Variants in CHRM3 observed in about 807,000 individuals in gnomAD.
CHRM3 encodes muscarinic acetylcholine receptor M3.
Under a neutral mutation model 41.8 loss-of-function variants are expected in CHRM3, and 11 were observed. The ratio of observed to expected loss-of-function variants is 0.26; its 90% CI spans 0.17 to 0.44. CHRM3 has a LOEUF of 0.44. Among genes scored for constraint, CHRM3 ranks in the 20% least tolerant of loss-of-function variants. CHRM3 has a pLI of 1.00. For missense variants in CHRM3, 571 were observed against 745.4 expected (o/e 0.77, Z 2.72); for synonymous variants, 297 against 301.4 (o/e 0.99, Z 0.15).
intron 6 of CHRM3, among the ~76,000 whole-genome samples, chr1:239,843,886 T>C (rs1674044831): frequency 6.6e-6 from 1 of 152,064 alleles, no homozygotes; most frequent in Admixed American, 6.6e-5. Flanking sequence ...TGTATATATA[T>C]ATACACATAG....
At chr1:239,423,197 C>T (rs576369280) in intron 1 of CHRM3, among the ~76,000 whole-genome samples, 6 of 152,266 alleles carry the variant, frequency 3.9e-5, no homozygotes, top group South Asian at 4.2e-4. Flanking sequence ...TATCTTCTTC[C>T]GCATTTTTTC....
chr1:239,802,653 G>A (rs1474259604), intron 5 of CHRM3, among the ~76,000 whole-genome samples: 6 of 152,172 alleles, frequency 3.9e-5, no homozygotes. Context: ...CTGGAGTGCA[G>A]TAGCATGATC....
chr1:239,464,564 G>T (rs145748875), intron 1 of CHRM3, among the ~76,000 whole-genome samples: 1 of 152,134 alleles, frequency 6.6e-6, no homozygotes, highest in African/African-American at 2.4e-5. Flanking sequence ...GAAGTTTGGT[G>T]TTTACTTCTA....
intron 5 of CHRM3, among the ~76,000 whole-genome samples, chr1:239,742,591 G>T (rs1664955713): frequency 6.6e-6 from 1 of 152,142 alleles, no homozygotes; most frequent in Admixed American, 6.5e-5. Flanking sequence ...TCCTACTGTA[G>T]GTCAAGGCAA....
intron 1 of CHRM3, among the ~76,000 whole-genome samples, chr1:239,449,754 G>GTGTGCA (rs1664429446): frequency 7.5e-6 from 1 of 132,616 alleles, no homozygotes; most frequent in African/African-American, 3.6e-5. Context: ...GTGTGTGTGT[G>GTGTGCA]CGTGTGTGTG....
At chr1:239,640,454 G>T (rs995622183) in intron 4 of CHRM3, among the ~76,000 whole-genome samples, 1 of 152,096 alleles carries the variant, frequency 6.6e-6, no homozygotes, top group Non-Finnish European at 1.5e-5. Flanking sequence ...CCTGTTATTG[G>T]TCTATTCAGA....
At chr1:239,493,281 G>A (rs1256233762) in intron 2 of CHRM3, among the ~76,000 whole-genome samples, 2 of 152,084 alleles carry the variant, frequency 1.3e-5, no homozygotes, top group African/African-American at 4.8e-5. Flanking sequence ...CTGTTCTCAG[G>A]CAGGTCTCCA....
At chr1:239,470,892 A>G (rs897618670) in intron 1 of CHRM3, among the ~76,000 whole-genome samples, 2 of 152,348 alleles carry the variant, frequency 1.3e-5, no homozygotes, top group Non-Finnish European at 2.9e-5. Flanking sequence ...TCTGGTTTAC[A>G]GATGACTTGG....
At chr1:239,689,032 C>A (rs975088816) in intron 5 of CHRM3, among the ~76,000 whole-genome samples, 2 of 150,698 alleles carry the variant, frequency 1.3e-5, no homozygotes, top group African/African-American at 4.9e-5. Context: ...GATAAATTCA[C>A]CATTGATTAA....
intron 5 of CHRM3, among the ~76,000 whole-genome samples, chr1:239,706,102 T>C (rs1661134594): frequency 6.7e-6 from 1 of 149,212 alleles, no homozygotes; most frequent in African/African-American, 2.4e-5. Context: ...ATTATAGTTA[T>C]ATGTGAATTA....
At chr1:239,879,238 C>T (rs772383245) in intron 6 of CHRM3, among the ~76,000 whole-genome samples, 2 of 152,132 alleles carry the variant, frequency 1.3e-5, no homozygotes, top group South Asian at 4.1e-4. Context: ...TCAAACAGTC[C>T]TCTCACCCCA....
chr1:239,711,302 C>T (rs926431210), intron 5 of CHRM3, among the ~76,000 whole-genome samples: 1 of 151,952 alleles, frequency 6.6e-6, no homozygotes, highest in African/African-American at 2.4e-5. Flanking sequence ...ACTTTGCATC[C>T]TTTGAGTCCC....
intron 2 of CHRM3, among the ~76,000 whole-genome samples, chr1:239,513,693 G>A (rs189011883): frequency 6.6e-6 from 1 of 152,206 alleles, no homozygotes; most frequent in East Asian, 1.9e-4. Flanking sequence ...TATCTAAAAA[G>A]CAATTGCCAT....
At chr1:239,682,470 T>G (rs1430511853) in intron 5 of CHRM3, among the ~76,000 whole-genome samples, 2 of 152,202 alleles carry the variant, frequency 1.3e-5, no homozygotes, top group Non-Finnish European at 2.9e-5. Context: ...ATCCATCATT[T>G]TGCCACTACA....
rs543435753 is a variant in CHRM3 at position 239,483,706 on chromosome 1, A to C, written c.-520-9003A>C. The stretch of plus-strand genomic sequence containing the variant: ...CTGAAAAATTATTTGAGCACCTCAG[A>C]GACAGAGTCTAAGTAAACAGAAAGT... On this transcript the variant is annotated intron_variant, in intron 1 of 6. Transcript: ENST00000676153. Among the ~76,000 whole-genome samples the C allele has an allele frequency of 2.0e-5, 3 of 152,336 alleles. No individual in the cohort carries two copies. In the East Asian group the frequency reaches 5.8e-4, roughly 29 times the overall value.
At chr1:239,763,919 G>T (rs1667003304) in intron 5 of CHRM3, among the ~76,000 whole-genome samples, 1 of 151,286 alleles carries the variant, frequency 6.6e-6, no homozygotes, top group Non-Finnish European at 1.5e-5. Context: ...AACATAGCAA[G>T]ACCCCCATCT....
chr1:239,435,279 G>A (rs1024940031), intron 1 of CHRM3, among the ~76,000 whole-genome samples: 6 of 151,838 alleles, frequency 4.0e-5, no homozygotes, highest in Non-Finnish European at 5.9e-5. Flanking sequence ...ATGAAACCCC[G>A]TCTCTACTAA....
intron 2 of CHRM3, among the ~76,000 whole-genome samples, chr1:239,505,167 A>G (rs1668484520): frequency 6.6e-6 from 1 of 152,174 alleles, no homozygotes; most frequent in Non-Finnish European, 1.5e-5. Context: ...ATTAGGGCTC[A>G]TATAAGTTCT....
chr1:239,805,654 GTA>G lies in CHRM3; in HGVS notation c.-146-21595_-146-21594del, dbSNP rs758316988. On this transcript the variant is annotated intron_variant, in intron 5 of 6. Coordinates refer to ENST00000676153, the MANE Select transcript of CHRM3 (RefSeq NM_001375978.1). Reference sequence around the variant, plus strand: ...AATGTGTGTGTGTGTGTGTGTGTGTGTATACACATCTATATATACTCACACAT... The same window carrying G: ...AATGTGTGTGTGTGTGTGTGTGTGTGTACACATCTATATATACTCACACAT... Among the ~76,000 whole-genome samples the G allele has an allele frequency of 8.8e-5, 13 of 147,876 alleles. No homozygotes were observed. In the South Asian group the frequency reaches 1.7e-3, roughly 20 times the overall value.
Sources: allele counts gnomAD v4.1 joint callset (sites outside exome capture counted in the v4.1 genomes callset), GRCh38; gene constraint gnomAD v4.1.1; transcripts MANE v1.5; gene names NCBI Gene and HGNC (gene_info 2026-07-23, HGNC 2026-07-21).